The following USH2A variants were observed in gnomAD, a reference collection of about 807,000 sequenced individuals.
USH2A encodes Usher syndrome 2A (autosomal recessive, mild).
In USH2A, 443 loss-of-function variants were observed where a neutral mutation model predicts 538.9. That is an observed-to-expected ratio of 0.82 (90% CI 0.76 to 0.89). The LOEUF (loss-of-function observed/expected upper bound fraction) is 0.89, where lower values mean the gene tolerates loss of function less well. Among genes scored for constraint, USH2A ranks in the 40% least tolerant of loss-of-function variants. The probability of loss-of-function intolerance (pLI) is 0.00; values close to 1 mark genes in which losing one functional copy is unlikely to be tolerated. For synonymous variants in USH2A, 2,413 were observed against 2,273.5 expected (o/e 1.06, Z -1.75); for missense variants, 6,633 against 6,324.8 (o/e 1.05, Z -1.65).
At position 216,040,352 on chromosome 1, in the gene USH2A, C is replaced by T. The variant is rs531594573; in HGVS notation, c.6325+6079G>A. Reference sequence around the variant, plus strand: ...CTCTTTTGGAGTTCTAGTCATTATCCACAGCAATGGCTTAGGTTGGCTTAA... The same window carrying T: ...CTCTTTTGGAGTTCTAGTCATTATCTACAGCAATGGCTTAGGTTGGCTTAA... On this transcript the variant is annotated intron_variant, in intron 32 of 71. Transcript: ENST00000307340. Among the ~76,000 whole-genome samples, 17 of 151,986 alleles carry T rather than the reference C, an allele frequency of 1.1e-4. 1 individual carries two copies. Among genetic ancestry groups the T allele is most frequent in the Admixed American group, 1.1e-3 (17 of 15,212 alleles).
chr1:215,926,713 G>A (rs938819608), intron 38 of USH2A, among the ~76,000 whole-genome samples: 1 of 139,458 alleles, frequency 7.2e-6, no homozygotes, highest in Non-Finnish European at 1.5e-5. Context: ...CGCCTTTCGG[G>A]TTCAAGCGAT....
chr1:216,323,750 CAG>C, intron 7 of USH2A, 55 bp from the exon 8 acceptor site: 5 of 1,548,558 alleles, frequency 3.2e-6, no homozygotes, highest in East Asian at 2.3e-5. Context: ...TTTGGCAAAA[CAG>C]AAATCAAAAT....
chr1:215,845,745 G>A (rs2102822979), intron 45 of USH2A, 79 bp downstream of exon 45: 1 of 1,482,232 alleles, frequency 6.7e-7, no homozygotes, highest in Admixed American at 1.8e-5. Flanking sequence ...ATGGAGGGAT[G>A]ACTGATCTCA....
At chr1:216,027,110 T>C (rs903689986) in intron 32 of USH2A, among the ~76,000 whole-genome samples, 1 of 152,190 alleles carries the variant, frequency 6.6e-6, no homozygotes, top group Admixed American at 6.5e-5. Context: ...AATTCATAAA[T>C]TGACATTCTA....
intron 9 of USH2A, among the ~76,000 whole-genome samples, chr1:216,316,841 T>C (rs2037518963): frequency 6.6e-6 from 1 of 152,148 alleles, no homozygotes; most frequent in South Asian, 2.1e-4. Context: ...GCAATGAACA[T>C]GAACAGACAG....
chr1:215,718,404 G>A (rs1204251268), intron 61 of USH2A, among the ~76,000 whole-genome samples: 2 of 152,110 alleles, frequency 1.3e-5, no homozygotes, highest in Middle Eastern at 3.2e-3. Flanking sequence ...CAATTGTTTG[G>A]CCCAATCAAA....
intron 21 of USH2A, among the ~76,000 whole-genome samples, chr1:216,115,670 T>G (rs985476367): frequency 6.6e-6 from 1 of 152,048 alleles, no homozygotes; most frequent in South Asian, 2.1e-4. Context: ...TTTATTCAAT[T>G]CCAAACAATT....
intron 21 of USH2A, among the ~76,000 whole-genome samples, chr1:216,129,717 A>G (rs560635037): frequency 2.0e-5 from 3 of 152,168 alleles, no homozygotes; most frequent in South Asian, 2.1e-4. Context: ...CCTAAAATGT[A>G]TATGGAACCA....
chr1:216,315,646 A>G (rs1253699221), intron 9 of USH2A, among the ~76,000 whole-genome samples: 1 of 152,204 alleles, frequency 6.6e-6, no homozygotes, highest in Admixed American at 6.5e-5. Context: ...TAGTTTTGCC[A>G]GATGTTACCA....
In USH2A at chr1:215,993,114, G is replaced by T. The variant is rs138959688; in HGVS notation, c.6711C>A (p.Asp2237Glu). The T allele has an allele frequency of 9.6e-5, 155 of 1,614,024 alleles. 1 individual carries two copies. In the African/African-American group the frequency reaches 1.8e-3, roughly 19 times the overall value. ...TVSEASEALTDEDIPEGVPAP... is the reference protein window; with the variant it reads ...TVSEASEALTEEDIPEGVPAP... ...CTGGCACGCCTTCGGGTATGTCCTC[G>T]TCAGTTAGGGCCTCACTGGCCTCAC... Residue 2237 changes from aspartate (D) to glutamate (E), a missense_variant, in exon 35 of 72, where the codon GAC (aspartate) becomes GAA (glutamate). Transcript: ENST00000307340.
chr1:216,092,082 A>G (rs1269923669), intron 22 of USH2A, among the ~76,000 whole-genome samples: 1 of 152,220 alleles, frequency 6.6e-6, no homozygotes, highest in African/African-American at 2.4e-5. Context: ...CTGTGTAATC[A>G]TTACAAAGCT....
At chr1:216,010,197 T>C (rs955167693) in intron 32 of USH2A, among the ~76,000 whole-genome samples, 8 of 152,028 alleles carry the variant, frequency 5.3e-5, no homozygotes, top group Non-Finnish European at 1.2e-4. Context: ...CCCAGCCACA[T>C]CTCCAGCACA....
At chr1:216,117,677 C>CTA (rs920399312) in intron 21 of USH2A, among the ~76,000 whole-genome samples, 2 of 151,964 alleles carry the variant, frequency 1.3e-5, no homozygotes, top group Non-Finnish European at 2.9e-5. Flanking sequence ...GCTAATACAA[C>CTA]TATATCTTCC....
chr1:216,396,920 C>T (rs570712352), intron 3 of USH2A, among the ~76,000 whole-genome samples: 1 of 152,310 alleles, frequency 6.6e-6, no homozygotes, highest in African/African-American at 2.4e-5. Context: ...AAAGCACTAG[C>T]AATTTCTCTT....
chr1:215,866,065 T>C (rs1664459951), intron 44 of USH2A, among the ~76,000 whole-genome samples: 1 of 152,210 alleles, frequency 6.6e-6, no homozygotes, highest in Admixed American at 6.5e-5. Flanking sequence ...CAGAGTGTTC[T>C]TTCATAAATA....
Position 216,086,676 on chromosome 1 carries a change from C to A in USH2A, c.4987+43G>T, listed in dbSNP as rs749068069. ...TAAAATAATGTAAACAGGTTCTATTCTAAGTTTGGATGACAACATATAATA... is the reference window on the plus strand; with the variant it reads ...TAAAATAATGTAAACAGGTTCTATTATAAGTTTGGATGACAACATATAATA... On this transcript the variant is annotated intron_variant, in intron 24 of 71. Coordinates refer to ENST00000307340, the MANE Select transcript of USH2A (RefSeq NM_206933.4). 16 of 1,393,504 alleles carry A rather than the reference C, an allele frequency of 1.1e-5. No homozygotes were observed. In the South Asian group the frequency reaches 1.9e-4, roughly 16 times the overall value. 86.3% of individuals were successfully genotyped at this position (1,393,504 alleles called of 1,614,324 possible). A position where few individuals can be genotyped will look rare whatever the true frequency, so the allele number is the denominator to read the frequency against.
intron 21 of USH2A, among the ~76,000 whole-genome samples, chr1:216,156,200 A>G (rs2033933170): frequency 6.6e-6 from 1 of 151,234 alleles, no homozygotes; most frequent in Admixed American, 6.6e-5. Flanking sequence ...TGTACATGTC[A>G]TCTCCCACAT....
At position 216,078,301 on chromosome 1, in the gene USH2A, A is replaced by T; in HGVS notation, c.5360T>A (p.Val1787Glu). The change falls in exon 27 of 72, where the codon GTG becomes GAG. Residue 1787 changes from valine (V) to glutamate (E), a missense_variant. Val to Glu is a moderately radical substitution (Grantham distance 121). Coordinates refer to ENST00000307340, the MANE Select transcript of USH2A (RefSeq NM_206933.4). Reference sequence around the variant, plus strand: ...ATAGGATAGCCCCAGCAATAGATCCACTTGTGTAAAGGCAAGACTGGTATT... The same window carrying T: ...ATAGGATAGCCCCAGCAATAGATCCTCTTGTGTAAAGGCAAGACTGGTATT... ...RLNTSLAFTQ[V>E]DLLLGLSYCN... 6.2e-7 allele frequency: 1 copy of T among 1,613,730 alleles called. No homozygotes were observed. Among genetic ancestry groups the T allele is most frequent in the Non-Finnish European group, 8.5e-7 (1 of 1,179,660 alleles).
chr1:216,049,944 A>G (rs1033544833), intron 30 of USH2A, among the ~76,000 whole-genome samples: 1 of 152,210 alleles, frequency 6.6e-6, no homozygotes, highest in South Asian at 2.1e-4. Context: ...GAAGACAGCA[A>G]GCCAACGAAC....
Sources: allele counts gnomAD v4.1 joint callset (sites outside exome capture counted in the v4.1 genomes callset), GRCh38; gene constraint gnomAD v4.1.1; transcripts MANE v1.5; gene names NCBI Gene and HGNC (gene_info 2026-07-23, HGNC 2026-07-21).